Variants in NLGN1 observed in about 807,000 individuals in gnomAD.
NLGN1 encodes neuroligin 1.
In NLGN1, 12 loss-of-function variants were observed where a neutral mutation model predicts 65.5. The observed-to-expected ratio is 0.18, with a 90% confidence interval of 0.12 to 0.30. The LOEUF (loss-of-function observed/expected upper bound fraction) is 0.30. Ranked by LOEUF, NLGN1 falls within the 10% of genes least tolerant of loss-of-function variation. The probability of loss-of-function intolerance (pLI) is 1.00; values close to 1 mark genes in which losing one functional copy is unlikely to be tolerated. For synonymous variants in NLGN1, 350 were observed against 359.5 expected (o/e 0.97, Z 0.30); for missense variants, 750 against 1,007.1 (o/e 0.74, Z 3.46).
intron 4 of NLGN1, among the ~76,000 whole-genome samples, chr3:174,071,718 A>C (rs894408016): frequency 2.9e-4 from 23 of 80,358 alleles, no homozygotes; most frequent in Admixed American, 6.2e-4. Flanking sequence ...ACCCTGTCCC[A>C]AAAAAAAAAA....
At chr3:173,418,536 C>G (rs931291274) in intron 1 of NLGN1, among the ~76,000 whole-genome samples, 1 of 152,130 alleles carries the variant, frequency 6.6e-6, no homozygotes, top group African/African-American at 2.4e-5. Context: ...ATTTTCCAAT[C>G]CAATAGGTAT....
At chr3:174,210,518 A>C (rs1736265071) in intron 4 of NLGN1, among the ~76,000 whole-genome samples, 1 of 152,208 alleles carries the variant, frequency 6.6e-6, no homozygotes, top group Non-Finnish European at 1.5e-5. Flanking sequence ...GTCCACGATG[A>C]CTAGATTTTC....
intron 3 of NLGN1, among the ~76,000 whole-genome samples, chr3:173,692,373 T>G (rs1033156898): frequency 1.3e-5 from 2 of 152,126 alleles, no homozygotes; most frequent in African/African-American, 4.8e-5. Flanking sequence ...AAAAAGTCAG[T>G]GATCTATTCA....
At position 173,941,343 on chromosome 3, in the gene NLGN1, G is replaced by C. The variant is rs116367912; in HGVS notation, c.646+133511G>C. ...ATGAATTAATTTTAAACCTTGCTTA[G>C]CAGAGTCTTATCAAACTGATGGCAC... On this transcript the variant is annotated intron_variant, in intron 4 of 6. Coordinates refer to ENST00000457714, the Ensembl canonical transcript of NLGN1. Among the ~76,000 whole-genome samples the C allele has an allele frequency of 9.2e-3, 1,392 of 151,834 alleles. 14 individuals are homozygous for C. Among genetic ancestry groups the C allele is most frequent in the African/African-American group, 0.032 (1,320 of 41,206 alleles).
chr3:174,212,398 G>A (rs757826351), intron 4 of NLGN1, among the ~76,000 whole-genome samples: 42 of 152,342 alleles, frequency 2.8e-4, no homozygotes, highest in Middle Eastern at 3.4e-3. Context: ...TCCAGCCTTG[G>A]CCAGCCCAGA....
chr3:173,792,477 T>C (rs1225933343), intron 3 of NLGN1, among the ~76,000 whole-genome samples: 1 of 152,154 alleles, frequency 6.6e-6, no homozygotes, highest in Admixed American at 6.6e-5. Flanking sequence ...TCTTACACAT[T>C]ATTGTAGAGG....
At chr3:173,725,344 C>T (rs1771592042) in intron 3 of NLGN1, among the ~76,000 whole-genome samples, 1 of 152,056 alleles carries the variant, frequency 6.6e-6, no homozygotes, top group Admixed American at 6.6e-5. Context: ...AAAGTTACTA[C>T]ATGTTCCTAA....
chr3:173,537,316 C>A (rs1737598685), intron 2 of NLGN1, among the ~76,000 whole-genome samples: 1 of 152,244 alleles, frequency 6.6e-6, no homozygotes, highest in Admixed American at 6.6e-5. Flanking sequence ...ATACAAGTCT[C>A]CTGCACACAA....
At chr3:173,528,723 T>G (rs1441232614) in intron 2 of NLGN1, among the ~76,000 whole-genome samples, 1 of 152,176 alleles carries the variant, frequency 6.6e-6, no homozygotes, top group Non-Finnish European at 1.5e-5. Context: ...TTCTGCTTGG[T>G]CTAGTCTACT....
intron 4 of NLGN1, among the ~76,000 whole-genome samples, chr3:174,086,914 G>C (rs538137041): frequency 6.6e-6 from 1 of 152,162 alleles, no homozygotes; most frequent in South Asian, 2.1e-4. Flanking sequence ...CATCCAAAAT[G>C]TAATCTGGAA....
chr3:173,699,918 G>A (rs1439719043), intron 3 of NLGN1, among the ~76,000 whole-genome samples: 2 of 152,216 alleles, frequency 1.3e-5, no homozygotes, highest in South Asian at 4.1e-4. Context: ...AACTTTTCTG[G>A]TCACAGAGGT....
intron 4 of NLGN1, among the ~76,000 whole-genome samples, chr3:174,169,098 G>A (rs1319707264): frequency 6.6e-6 from 1 of 152,146 alleles, no homozygotes; most frequent in African/African-American, 2.4e-5. Flanking sequence ...ATGGAGCAGA[G>A]AGGGGTCTCT....
intron 3 of NLGN1, among the ~76,000 whole-genome samples, chr3:173,651,795 T>A (rs1250098628): frequency 6.6e-6 from 1 of 152,102 alleles, no homozygotes; most frequent in African/African-American, 2.4e-5. Context: ...TTTGCCCATT[T>A]TTTTTGTTTT....
rs150741818 is a variant in NLGN1 at position 173,954,813 on chromosome 3, A to T, written c.646+146981A>T. ...ATCTTAAATAGCAACATAAACATAC[A>T]TATATATGCACACATACAGGAATAG... On this transcript the variant is annotated intron_variant, in intron 4 of 6. Coordinates refer to ENST00000457714, the Ensembl canonical transcript of NLGN1. Among the ~76,000 whole-genome samples the T allele has an allele frequency of 2.2e-3, 332 of 152,278 alleles. 2 individuals carry two copies. The highest frequency in any genetic ancestry group is 7.7e-3 in the African/African-American group (319 of 41,558).
chr3:174,179,413 G>A (rs1729987135), intron 4 of NLGN1, among the ~76,000 whole-genome samples: 1 of 152,046 alleles, frequency 6.6e-6, no homozygotes, highest in Non-Finnish European at 1.5e-5. Flanking sequence ...TTGCAGTATT[G>A]CAATAGAATA....
At chr3:174,202,279 A>C (rs1175934908) in intron 4 of NLGN1, among the ~76,000 whole-genome samples, 1 of 152,158 alleles carries the variant, frequency 6.6e-6, no homozygotes, top group Non-Finnish European at 1.5e-5. Flanking sequence ...CTCCTCTTAA[A>C]TAGCCATGTC....
At chr3:173,823,481 A>G (rs1045721800) in intron 4 of NLGN1, among the ~76,000 whole-genome samples, 11 of 152,094 alleles carry the variant, frequency 7.2e-5, no homozygotes, top group Non-Finnish European at 1.0e-4. Context: ...TGTACTTTAT[A>G]TTGTACTTAC....
At chr3:173,470,649 T>C (rs1358802675) in intron 2 of NLGN1, among the ~76,000 whole-genome samples, 2 of 152,130 alleles carry the variant, frequency 1.3e-5, no homozygotes, top group East Asian at 1.9e-4. Flanking sequence ...TAGAATTAAA[T>C]GAGAGAACAT....
chr3:173,646,653 A>G (rs1251836174), intron 3 of NLGN1, among the ~76,000 whole-genome samples: 1 of 152,194 alleles, frequency 6.6e-6, no homozygotes, highest in Non-Finnish European at 1.5e-5. Context: ...GATGTCCACT[A>G]TAAACCCTAA....
Sources: allele counts gnomAD v4.1 joint callset (sites outside exome capture counted in the v4.1 genomes callset), GRCh38; gene constraint gnomAD v4.1.1; transcripts MANE v1.5; gene names NCBI Gene and HGNC (gene_info 2026-07-23, HGNC 2026-07-21).